ENPP6: variants seen among roughly 807,000 people sequenced by gnomAD.
The protein encoded by ENPP6 is glycerophosphocholine cholinephosphodiesterase ENPP6.
ENPP6 carries 32 observed loss-of-function variants against 42.0 expected under a neutral mutation model. The observed-to-expected ratio is 0.76, with a 90% CI of 0.58 to 1.02. ENPP6 has a LOEUF of 1.02. ENPP6 is among the 50% of genes least tolerant of loss of function. The probability of loss-of-function intolerance (pLI) is 0.00; values close to 1 mark genes in which losing one functional copy is unlikely to be tolerated. For synonymous variants in ENPP6, 213 were observed against 216.0 expected, an observed-to-expected ratio of 0.99 and a Z score of 0.12; for missense variants, 552 against 566.8, an observed-to-expected ratio of 0.97 and a Z score of 0.27.
At chr4:184,117,937 GC>G in intron 3 of ENPP6, 37 bp from the exon 4 acceptor site, 2 of 1,601,754 alleles carry the variant, frequency 1.2e-6, no homozygotes, top group Non-Finnish European at 1.7e-6. Flanking sequence ...GGTGAGGGAG[GC>G]CCCCGCCAGC....
intron 1 of ENPP6, among the ~76,000 whole-genome samples, chr4:184,155,936 A>T (rs1473940574): frequency 6.6e-6 from 1 of 152,090 alleles, no homozygotes; most frequent in African/African-American, 2.4e-5. Flanking sequence ...TGAGTAGAAA[A>T]TTATAAGGAG....
At chr4:184,135,366 A>G (rs1439487070) in intron 2 of ENPP6, among the ~76,000 whole-genome samples, 1 of 152,070 alleles carries the variant, frequency 6.6e-6, no homozygotes, top group East Asian at 1.9e-4. Flanking sequence ...TTATGTTGAG[A>G]GTGTGTAATT....
chr4:184,101,489 A>G (rs1736004298), intron 6 of ENPP6, among the ~76,000 whole-genome samples: 1 of 152,110 alleles, frequency 6.6e-6, no homozygotes, highest in Admixed American at 6.5e-5. Flanking sequence ...GAGCCCTTGA[A>G]TGACCTGGGT....
At chr4:184,189,237 G>T (rs1211228070) in intron 1 of ENPP6, among the ~76,000 whole-genome samples, 1 of 152,190 alleles carries the variant, frequency 6.6e-6, no homozygotes, top group Non-Finnish European at 1.5e-5. Flanking sequence ...TGAGTCAGGG[G>T]TGCTGTGTTG....
intron 1 of ENPP6, among the ~76,000 whole-genome samples, chr4:184,214,167 C>T (rs1164020436): frequency 6.8e-6 from 1 of 146,958 alleles, no homozygotes; most frequent in Non-Finnish European, 1.5e-5. Context: ...GTGCAGCGCA[C>T]CAGCATGGCA....
intron 6 of ENPP6, among the ~76,000 whole-genome samples, chr4:184,107,839 C>T (rs542908875): frequency 5.0e-4 from 76 of 151,704 alleles, no homozygotes; most frequent in African/African-American, 1.7e-3. Flanking sequence ...GGCGTGAACC[C>T]GGGAGGCGGA....
intron 1 of ENPP6, among the ~76,000 whole-genome samples, chr4:184,193,692 T>G (rs760182167): frequency 5.3e-5 from 8 of 152,152 alleles, no homozygotes; most frequent in Admixed American, 2.6e-4. Flanking sequence ...CCACTATAGA[T>G]CCATATATGG....
intron 1 of ENPP6, among the ~76,000 whole-genome samples, chr4:184,175,333 A>AT (rs982593899): frequency 2.0e-5 from 3 of 152,042 alleles, no homozygotes; most frequent in African/African-American, 4.8e-5. Flanking sequence ...AAATCACATG[A>AT]TTTTTTCCCT....
chr4:184,134,449 T>C (rs528497110), intron 2 of ENPP6, among the ~76,000 whole-genome samples: 5 of 152,302 alleles, frequency 3.3e-5, no homozygotes, highest in South Asian at 2.1e-4. Flanking sequence ...TTTCTATTTC[T>C]TTTTTTCTGT....
intron 1 of ENPP6, among the ~76,000 whole-genome samples, chr4:184,190,487 A>G (rs978119610): frequency 2.0e-5 from 3 of 152,140 alleles, no homozygotes; most frequent in Non-Finnish European, 4.4e-5. Flanking sequence ...TAAACATATC[A>G]CCCTTGATAG....
At chr4:184,142,065 C>G (rs926419014) in intron 2 of ENPP6, among the ~76,000 whole-genome samples, 1 of 152,204 alleles carries the variant, frequency 6.6e-6, no homozygotes, top group Non-Finnish European at 1.5e-5. Context: ...CTCCCAAGGT[C>G]TCCCGGCCTG....
chr4:184,107,792 G>A (rs1247638758), intron 6 of ENPP6, among the ~76,000 whole-genome samples: 1 of 152,014 alleles, frequency 6.6e-6, no homozygotes, highest in Non-Finnish European at 1.5e-5. Flanking sequence ...GCGGGCGCCT[G>A]TTGTCCCAGC....
chr4:184,195,159 A>G (rs1732775611), intron 1 of ENPP6, among the ~76,000 whole-genome samples: 1 of 152,286 alleles, frequency 6.6e-6, no homozygotes, highest in Middle Eastern at 3.4e-3. Context: ...TCAAGGGTAC[A>G]AGTGCAGGTT....
At position 184,091,145 on chromosome 4, in the gene ENPP6, G is replaced by C. The variant is rs1288687062; in HGVS notation, c.*32C>G. 6.7e-7 allele frequency: 1 copy of C among 1,497,842 alleles called. No individual in the cohort carries two copies. Among genetic ancestry groups the C allele is most frequent in the Non-Finnish European group, 8.9e-7 (1 of 1,124,222 alleles). 92.8% of individuals were successfully genotyped at this position (1,497,842 alleles called of 1,614,324 possible). On this transcript the variant is annotated 3_prime_UTR_variant, in exon 8 of 8. Coordinates refer to ENST00000296741, the MANE Select transcript of ENPP6 (RefSeq NM_153343.4). ...GCTTTGGAGGCCCACTTTGCTGATG[G>C]TGTTTTTTTCTGAGACAAGCAATAT...
intron 2 of ENPP6, among the ~76,000 whole-genome samples, chr4:184,146,023 C>CT (rs70959175): frequency 0.49 from 70,211 of 141,940 alleles, 17,947 homozygotes; most frequent in South Asian, 0.6. Context: ...TTTTCTTTTT[C>CT]TTTTTTTTTT....
At chr4:184,200,966 C>A (rs2111115297) in intron 1 of ENPP6, among the ~76,000 whole-genome samples, 1 of 152,328 alleles carries the variant, frequency 6.6e-6, no homozygotes. Context: ...TTGCTCTCAG[C>A]CCCGACAGCC....
chr4:184,138,309 G>A (rs938033624), intron 2 of ENPP6, among the ~76,000 whole-genome samples: 4 of 152,156 alleles, frequency 2.6e-5, no homozygotes, highest in Non-Finnish European at 4.4e-5. Flanking sequence ...TCTTTGAACT[G>A]CTTCTTTGAA....
At chr4:184,191,878 AT>A (rs775668237) in intron 1 of ENPP6, among the ~76,000 whole-genome samples, 4 of 152,252 alleles carry the variant, frequency 2.6e-5, no homozygotes, top group Admixed American at 1.3e-4. Context: ...AGATAATTCC[AT>A]TCACATTAAC....
intron 3 of ENPP6, among the ~76,000 whole-genome samples, chr4:184,119,081 A>T (rs559357111): frequency 5.3e-5 from 8 of 152,234 alleles, no homozygotes; most frequent in African/African-American, 1.9e-4. Flanking sequence ...TCTCAGTGCC[A>T]TGGTGAGCAC....
Sources: gnomAD v4.1 joint callset for allele counts (sites outside exome capture counted in the v4.1 genomes callset) on GRCh38, gnomAD v4.1.1 for gene constraint, MANE v1.5 for transcripts, NCBI Gene and HGNC (gene_info 2026-07-23, HGNC 2026-07-21) for gene names.